Variants in KLHL3 observed in about 807,000 individuals in gnomAD.
KLHL3 encodes kelch-like protein 3.
KLHL3 carries 19 observed loss-of-function variants against 70.5 expected under a neutral mutation model. That is an observed-to-expected ratio of 0.27 (90% CI 0.19 to 0.40). KLHL3 has a LOEUF of 0.40. Among genes scored for constraint, KLHL3 ranks in the 10% least tolerant of loss-of-function variants. The pLI, the probability that KLHL3 is intolerant of heterozygous loss-of-function variation, is 1.00. For synonymous variants in KLHL3, 258 were observed against 290.3 expected, an observed-to-expected ratio of 0.89 and a Z score of 1.13; for missense variants, 512 against 771.1, an observed-to-expected ratio of 0.66 and a Z score of 3.98.
intron 13 of KLHL3, 60 bp from the exon 14 acceptor site, chr5:137,625,956 T>G: frequency 6.2e-7 from 1 of 1,602,398 alleles, no homozygotes; most frequent in Non-Finnish European, 8.5e-7. Flanking sequence ...AGATCAGAAT[T>G]GATCAAGAGA....
intron 13 of KLHL3, among the ~76,000 whole-genome samples, chr5:137,627,371 T>C (rs182556589): frequency 1.6e-4 from 25 of 151,802 alleles, no homozygotes; most frequent in East Asian, 1.4e-3. Flanking sequence ...AGGTTCTAGA[T>C]AGACTAGCTG....
chr5:137,671,518 A>C (rs1408089477), intron 6 of KLHL3, among the ~76,000 whole-genome samples: 1 of 152,128 alleles, frequency 6.6e-6, no homozygotes, highest in Non-Finnish European at 1.5e-5. Context: ...ATTCATAAAG[A>C]GTGGGGCTTG....
chr5:137,678,715 C>A (rs924163544), intron 5 of KLHL3, among the ~76,000 whole-genome samples: 1 of 152,120 alleles, frequency 6.6e-6, no homozygotes, highest in African/African-American at 2.4e-5. Flanking sequence ...TAATTTCAGA[C>A]CCAAATAATT....
chr5:137,724,604 A>C (rs542868433), intron 1 of KLHL3, among the ~76,000 whole-genome samples: 1 of 152,336 alleles, frequency 6.6e-6, no homozygotes, highest in South Asian at 2.1e-4. Flanking sequence ...CTAGGGAAAG[A>C]CATCAGTTTC....
At chr5:137,734,737 C>T (rs1179311863) in intron 1 of KLHL3, among the ~76,000 whole-genome samples, 2 of 152,150 alleles carry the variant, frequency 1.3e-5, no homozygotes, top group East Asian at 1.9e-4. Context: ...GATAAAATGG[C>T]AAGCCTCGTA....
intron 2 of KLHL3, among the ~76,000 whole-genome samples, chr5:137,719,552 C>A (rs112962980): frequency 5.9e-5 from 9 of 152,244 alleles, no homozygotes; most frequent in African/African-American, 1.7e-4. Context: ...AAAACATGTA[C>A]AGAAACACAT....
chr5:137,709,312 T>C (rs1256946287), intron 3 of KLHL3, among the ~76,000 whole-genome samples: 1 of 152,196 alleles, frequency 6.6e-6, no homozygotes, highest in Non-Finnish European at 1.5e-5. Context: ...GGCCAGCTAG[T>C]AAAGCACTGG....
chr5:137,713,153 CAAAAAAAAAA>C (rs958291877), intron 2 of KLHL3, among the ~76,000 whole-genome samples: 1 of 38,440 alleles, frequency 2.6e-5, no homozygotes, highest in African/African-American at 1.0e-4. Flanking sequence ...GAATAACCAG[CAAAAAAAAAA>C]AAAAAAAAAA....
In KLHL3 at chr5:137,621,979, G is replaced by A. The variant is rs1750319868; in HGVS notation, c.*119C>T. Reference sequence around the variant, plus strand: ...CCAGTCTGCCAAGTCAGAGGAGAGCGGTTCTCACAGCAGCACAGACCCTCC... The same window carrying A: ...CCAGTCTGCCAAGTCAGAGGAGAGCAGTTCTCACAGCAGCACAGACCCTCC... On this transcript the variant is annotated 3_prime_UTR_variant, in exon 15 of 15. Transcript: ENST00000309755. 57 of 1,018,360 alleles carry A rather than the reference G, an allele frequency of 5.6e-5. No individual in the cohort carries two copies. The highest frequency in any genetic ancestry group is 8.0e-5 in the Non-Finnish European group (51 of 641,000). The allele number at this position is 1,018,360 out of a possible 1,614,324, so 63.1% of individuals were successfully genotyped here.
intron 5 of KLHL3, among the ~76,000 whole-genome samples, chr5:137,691,147 C>T (rs777000045): frequency 3.3e-5 from 5 of 152,078 alleles, no homozygotes; most frequent in Non-Finnish European, 5.9e-5. Context: ...AATAAGTGAA[C>T]CAACAGATTA....
At chr5:137,632,387 C>T (rs796190325) in intron 12 of KLHL3, among the ~76,000 whole-genome samples, 2 of 151,724 alleles carry the variant, frequency 1.3e-5, no homozygotes, top group Non-Finnish European at 2.9e-5. Flanking sequence ...TCAAAAAAGT[C>T]GACAAAAATA....
rs1187023348 is a variant in KLHL3, at chr5:137,627,472, TCAC to T, written c.1591+822_1591+824del. ...TAGGCAATGAGTAAATTAGTAAATA[TCAC>T]CACCCCCCCCCCCGGTTTACACTTC... On this transcript the variant is annotated intron_variant, in intron 13 of 14. Transcript: ENST00000309755. Among the ~76,000 whole-genome samples, 13 of 92,286 alleles carry T rather than the reference TCAC, an allele frequency of 1.4e-4. 1 individual carries two copies. The highest frequency in any genetic ancestry group is 3.3e-4 in the African/African-American group (9 of 27,586). The allele number at this position is 92,286 out of a possible 152,430, so 60.5% of individuals were successfully genotyped here.
At chr5:137,655,030 T>C (rs1390069079) in intron 8 of KLHL3, among the ~76,000 whole-genome samples, 3 of 152,262 alleles carry the variant, frequency 2.0e-5, no homozygotes, top group African/African-American at 7.2e-5. Context: ...GGTCACTAGG[T>C]ATGGTTTCTA....
At chr5:137,680,636 G>A (rs560603514) in intron 5 of KLHL3, among the ~76,000 whole-genome samples, 24 of 151,310 alleles carry the variant, frequency 1.6e-4, no homozygotes, top group Middle Eastern at 3.4e-3. Context: ...TCTGCCTCCC[G>A]GGTTCAAGTG....
rs939899801 is a variant in KLHL3, at chr5:137,618,564, T to G, written c.*3534A>C. The G allele has an allele frequency of 6.6e-6, 1 of 152,002 alleles. No individual in the cohort carries two copies. The highest frequency in any genetic ancestry group is 2.4e-5 in the African/African-American group (1 of 41,364). The allele number at this position is 152,002 out of a possible 1,614,324, so 9.4% of individuals were successfully genotyped here. A position where few individuals can be genotyped will look rare whatever the true frequency, so the allele number is the denominator to read the frequency against. ...ATCCAGCAGCAAAGGCCTCAAGCTA[T>G]TGGAAGCTTCAGATCAACAAGGAGA... On this transcript the variant is annotated 3_prime_UTR_variant, in exon 15 of 15. Transcript: ENST00000309755.
chr5:137,670,077 T>C (rs1719640459), intron 6 of KLHL3, among the ~76,000 whole-genome samples: 1 of 152,140 alleles, frequency 6.6e-6, no homozygotes, highest in South Asian at 2.1e-4. Context: ...AGGAACGCAG[T>C]GGCGTGGGAG....
At chr5:137,628,231 A>T in intron 13 of KLHL3, 66 bp downstream of exon 13, 1 of 1,573,320 alleles carries the variant, frequency 6.4e-7, no homozygotes. Context: ...TGCTGTTTAG[A>T]GCCAGTGTCT....
intron 1 of KLHL3, among the ~76,000 whole-genome samples, chr5:137,731,425 T>A (rs1753171752): frequency 6.6e-6 from 1 of 152,204 alleles, no homozygotes; most frequent in South Asian, 2.1e-4. Flanking sequence ...GCTCAACACT[T>A]GCTCTTCCCT....
intron 8 of KLHL3, among the ~76,000 whole-genome samples, chr5:137,649,468 G>C (rs966336696): frequency 6.6e-6 from 1 of 152,194 alleles, no homozygotes; most frequent in Non-Finnish European, 1.5e-5. Context: ...AGTGAGCTTA[G>C]AATCAGATCC....
Sources: allele counts gnomAD v4.1 joint callset (sites outside exome capture counted in the v4.1 genomes callset), GRCh38; gene constraint gnomAD v4.1.1; transcripts MANE v1.5; gene names NCBI Gene and HGNC (gene_info 2026-07-23, HGNC 2026-07-21).